Variants in ZAN observed in about 807,000 individuals in gnomAD.
ZAN encodes zonadhesin (gene/pseudogene).
A neutral mutation model predicts 286.2 loss-of-function variants in ZAN; 260 were observed. The observed-to-expected ratio is 0.91, with a 90% CI of 0.82 to 1.01. The LOEUF (loss-of-function observed/expected upper bound fraction) is 1.01, where lower values mean the gene tolerates loss of function less well. Among genes scored for constraint, ZAN ranks in the 50% least tolerant of loss-of-function variants. ZAN has a pLI of 0.00. For synonymous variants in ZAN, 1,368 were observed against 1,417.5 expected (o/e 0.97, Z 0.79); for missense variants, 3,410 against 3,639.2 (o/e 0.94, Z 1.62).
At chr7:100,737,194 A>G in intron 5 of ZAN, 68 bp from the exon 6 acceptor site, 2 of 1,417,214 alleles carry the variant, frequency 1.4e-6, no homozygotes, top group African/African-American at 1.5e-5. Flanking sequence ...GAATTCAGGA[A>G]GAAAACTAGG....
Position 100,763,842 on chromosome 7 carries a change from T to A in ZAN, c.4023T>A (p.Cys1341Ter), listed in dbSNP as rs751985868. 2.5e-6 allele frequency: 4 copies of A among 1,614,018 alleles called. No homozygotes were observed. The Admixed American group carries it at 6.7e-5, about 27-fold the overall frequency. Residue 1341 changes from cysteine to a stop codon, truncating the protein, a stop_gained, in exon 21 of 48, where the codon TGT becomes TGA. Transcript: ENST00000613979. LOFTEE classifies it high-confidence loss of function. The surrounding 1 kb of genome is among the most constrained non-coding windows in gnomAD (Gnocchi z 4.6). ...ACCAGGTGGTGAATTCCCCGTCTTG[T>A]GATTCATCTCTGCAGAGCAGCATGT... ...QKYQVVNSPSCDSSLQSSMSG... is the reference protein window; with the variant it reads ...QKYQVVNSPS
rs368813784 is a variant in ZAN, at chr7:100,748,388, C to A, written c.1167C>A (p.Ser389=). The A allele has an allele frequency of 9.3e-6, 15 of 1,613,832 alleles. No homozygotes were observed. The highest frequency in any genetic ancestry group is 1.3e-5 in the Non-Finnish European group (15 of 1,179,898). ...AHPFCDWVQT[S]GDGGHWALGH... is the part of the protein sequence containing the mutation. ...CCTTCTGTGACTGGGTCCAGACTTC[C>A]GGGGATGGTGGACACTGGGCCCTCG... The change falls in exon 11 of 48, where the codon TCC becomes TCA. Residue 389 remains serine, a synonymous_variant. Transcript: ENST00000613979.
rs774614235 is a variant in ZAN, at chr7:100,793,976, C to T, written c.7944C>T (p.Pro2648=). The change falls in exon 43 of 48, where the codon CCC becomes CCT. Residue 2648 remains proline, a synonymous_variant. Transcript: ENST00000613979. ...RLCLQWHPEP[P]LADCGCTSNG... is the part of the protein sequence containing the mutation. ...GCCTACAGTGGCACCCAGAGCCTCC[C>T]CTGGCTGACTGTGGCTGCACCAGCA... 15 of 1,613,674 alleles carry T rather than the reference C, an allele frequency of 9.3e-6. No individual in the cohort carries two copies. In the East Asian group the frequency reaches 3.1e-4, roughly 34 times the overall value.
rs75724392 is a variant in ZAN, at chr7:100,753,241, A to G, written c.3124+12A>G. On this transcript the variant is annotated intron_variant, in intron 14 of 47. Coordinates refer to ENST00000613979, the MANE Select transcript of ZAN (RefSeq NM_003386.3). Reference sequence around the variant, plus strand: ...CAGATCCAGTACAGGTATGAGGTGGATGGAGCGTGGGCCAAGGCTGAAAGT... The same window carrying G: ...CAGATCCAGTACAGGTATGAGGTGGGTGGAGCGTGGGCCAAGGCTGAAAGT... 6.5e-5 allele frequency: 101 copies of G among 1,564,438 alleles called. No individual in the cohort carries two copies. In the African/African-American group the frequency reaches 1.2e-3, roughly 19 times the overall value.
At chr7:100,751,408 C>T (rs1483945193) in intron 13 of ZAN, 142 bp downstream of exon 13, 7 of 621,834 alleles carry the variant, frequency 1.1e-5, no homozygotes, top group Non-Finnish European at 1.8e-5. Flanking sequence ...TTCAACACAC[C>T]TCTCCTTCCC....
chr7:100,746,410 T>C (rs1808221006), intron 7 of ZAN, 128 bp from the exon 8 acceptor site: 1 of 1,223,258 alleles, frequency 8.2e-7, no homozygotes, highest in Non-Finnish European at 1.1e-6. Context: ...ACCACCTCAG[T>C]GCTGCCTGAT....
At chr7:100,750,940 G>T in intron 12 of ZAN, 44 bp downstream of exon 12, 1 of 1,514,358 alleles carries the variant, frequency 6.6e-7, no homozygotes, top group Non-Finnish European at 8.8e-7. Context: ...AGGTGAGAGG[G>T]CCAATGCCTG....
intron 24 of ZAN, 141 bp downstream of exon 24, chr7:100,766,807 G>C: frequency 7.0e-7 from 1 of 1,422,634 alleles, no homozygotes; most frequent in Non-Finnish European, 9.3e-7. Context: ...GCATTTTCAG[G>C]GACCCAAAGG....
chr7:100,741,528 T>A (rs1584548026), intron 7 of ZAN, among the ~76,000 whole-genome samples: 6 of 29,856 alleles, frequency 2.0e-4, no homozygotes, highest in South Asian at 4.6e-3. Flanking sequence ...CCCCCCCACC[T>A]CCCTCCCGGA....
rs370504357 is a variant in ZAN, at chr7:100,752,729, C to T, written c.2624C>T (p.Thr875Met). The change falls in exon 14 of 48, where the codon ACG becomes ATG. Residue 875 changes from threonine (T) to methionine (M), a missense_variant. Physicochemically the swap from Thr to Met is moderately conservative, Grantham distance 81. Transcript: ENST00000613979. ...TISPEKLTIPTEKLTIPTEKP... is the reference protein window; with the variant it reads ...TISPEKLTIPMEKLTIPTEKP... ...TCCCCAGAAAAACTCACCATCCCCA[C>T]GGAAAAACTCACCATCCCCACGGAA... The T allele has an allele frequency of 2.1e-5, 33 of 1,543,034 alleles. 2 individuals carry two copies. Among genetic ancestry groups the T allele is most frequent in the South Asian group, 1.1e-4 (9 of 84,668 alleles).
chr7:100,766,218 C>A (rs10282394), intron 23 of ZAN, among the ~76,000 whole-genome samples: 4,000 of 151,738 alleles, frequency 0.026, 175 homozygotes, highest in African/African-American at 0.091. Context: ...AACTCCTGAC[C>A]TCAAGTGATC....
rs1808368900 is a variant in ZAN, at chr7:100,748,235, G to A, written c.1102+20G>A. The A allele has an allele frequency of 6.2e-7, 1 of 1,613,892 alleles. No homozygotes were observed. The highest frequency in any genetic ancestry group is 1.3e-5 in the African/African-American group (1 of 75,040). ...GTGGGGGTGAGAGCAGGCCCTGAGAGGCCCGGATCTCTCAGAATCCGGGGT... is the reference window on the plus strand; with the variant it reads ...GTGGGGGTGAGAGCAGGCCCTGAGAAGCCCGGATCTCTCAGAATCCGGGGT... On this transcript the variant is annotated intron_variant, in intron 10 of 47. Coordinates refer to ENST00000613979, the MANE Select transcript of ZAN (RefSeq NM_003386.3).
chr7:100,758,156 C>A, intron 15 of ZAN, 46 bp from the exon 16 acceptor site: 3 of 1,521,592 alleles, frequency 2.0e-6, no homozygotes, highest in Non-Finnish European at 1.8e-6. Context: ...GGGAGAAGTA[C>A]TCTAGGAGCT....
chr7:100,793,823 T>C lies in ZAN; in HGVS notation c.7791T>C (p.His2597=), dbSNP rs555128849. The C allele has an allele frequency of 4.4e-6, 7 of 1,591,002 alleles. No homozygotes were observed. The East Asian group carries it at 9.0e-5, about 20-fold the overall frequency. The stretch of plus-strand genomic sequence containing the variant: ...CTGACCATGACTGTCCCCGCAGCCA[T>C]GGAGTGTCCAGCAGGTACCATATAT... ...EELRCQVLSG[H]GVSSRYHISE... Residue 2597 remains histidine, a synonymous_variant, in exon 43 of 48, where the codon CAT becomes CAC. Coordinates refer to ENST00000613979, the MANE Select transcript of ZAN (RefSeq NM_003386.3).
chr7:100,784,197 T>A (rs1023318299), intron 35 of ZAN, among the ~76,000 whole-genome samples: 9 of 150,848 alleles, frequency 6.0e-5, no homozygotes, highest in African/African-American at 2.2e-4. Flanking sequence ...TGGTGTGATC[T>A]TGGCTCAATG....
chr7:100,747,745 C>A, intron 9 of ZAN, 104 bp downstream of exon 9: 2 of 1,137,850 alleles, frequency 1.8e-6, no homozygotes, highest in Non-Finnish European at 2.6e-6. Context: ...ATTCCCAATA[C>A]TTTGGGAGGC....
At chr7:100,766,814 A>G in intron 24 of ZAN, 148 bp downstream of exon 24, 1 of 1,426,172 alleles carries the variant, frequency 7.0e-7, no homozygotes, top group Non-Finnish European at 9.3e-7. Context: ...CAGGGACCCA[A>G]AGGGTGAGGT....
At chr7:100,735,001 A>G (rs2131459621) in intron 2 of ZAN, among the ~76,000 whole-genome samples, 1 of 138,496 alleles carries the variant, frequency 7.2e-6, no homozygotes, top group South Asian at 2.3e-4. Flanking sequence ...CCTGACCAAC[A>G]TGGTGAAACC....
chr7:100,766,713 C>T, intron 24 of ZAN, 47 bp downstream of exon 24: 1 of 1,539,764 alleles, frequency 6.5e-7, no homozygotes, highest in Non-Finnish European at 8.8e-7. Flanking sequence ...CCAGGCAACA[C>T]CAGGCAAGGT....
Sources: allele counts gnomAD v4.1 joint callset (sites outside exome capture counted in the v4.1 genomes callset), GRCh38; gene constraint gnomAD v4.1.1; non-coding constraint Gnocchi (gnomAD v3.1); transcripts MANE v1.5; gene names NCBI Gene and HGNC (gene_info 2026-07-23, HGNC 2026-07-21).